The following ZNF804B variants were observed in gnomAD, a reference collection of about 807,000 sequenced individuals.
The protein encoded by ZNF804B is zinc finger 804B.
Under a neutral mutation model 101.4 loss-of-function variants are expected in ZNF804B, and 80 were observed. The ratio of observed to expected loss-of-function variants is 0.79; its 90% CI spans 0.66 to 0.95. ZNF804B has a LOEUF of 0.95. ZNF804B is among the 40% of genes least tolerant of loss of function. The pLI is 0.00. For missense variants in ZNF804B, 1,673 were observed against 1,561.9 expected (o/e 1.07, Z -1.20); for synonymous variants, 622 against 558.8 (o/e 1.11, Z -1.59).
At chr7:88,795,191 A>G (rs780420717) in intron 1 of ZNF804B, 3 of 332,274 alleles carry the variant, frequency 9.0e-6, no homozygotes, top group Non-Finnish European at 1.6e-5. Context: ...GACTTTTTTA[A>G]AAGTTTACAA....
chr7:88,902,137 C>T (rs1263388194), intron 1 of ZNF804B, among the ~76,000 whole-genome samples: 1 of 151,936 alleles, frequency 6.6e-6, no homozygotes, highest in East Asian at 1.9e-4. Context: ...GGGGGACTCA[C>T]AAAGACTTTC....
intron 1 of ZNF804B, among the ~76,000 whole-genome samples, chr7:88,887,529 G>T (rs909743440): frequency 6.6e-6 from 1 of 152,110 alleles, no homozygotes; most frequent in African/African-American, 2.4e-5. Context: ...TGAACAGGGA[G>T]TCTTTTCCCT....
At chr7:88,948,549 C>A (rs1284601185) in intron 1 of ZNF804B, among the ~76,000 whole-genome samples, 1 of 151,862 alleles carries the variant, frequency 6.6e-6, no homozygotes, top group Non-Finnish European at 1.5e-5. Flanking sequence ...AGCCTCCAAA[C>A]AGAGATCCTC....
chr7:88,909,976 T>C (rs1443075079), intron 1 of ZNF804B, among the ~76,000 whole-genome samples: 4 of 151,868 alleles, frequency 2.6e-5, no homozygotes, highest in African/African-American at 9.7e-5. Flanking sequence ...GTTGTGAATA[T>C]AGACAATGGT....
Position 89,024,727 on chromosome 7 carries a change from C to T in ZNF804B, c.109-193428C>T, listed in dbSNP as rs1451277131. The stretch of plus-strand genomic sequence containing the variant: ...CCAGTCCTTTAGGTTGTCTAGAAGT[C>T]CTGGCTGATACCACATTCCATGGAC... On this transcript the variant is annotated intron_variant, in intron 1 of 3. Coordinates refer to ENST00000333190, the MANE Select transcript of ZNF804B (RefSeq NM_181646.5). 2.0e-5 allele frequency among the ~76,000 whole-genome samples: 3 copies of T among 148,578 alleles called. No individual in the cohort carries two copies. In the South Asian group the frequency reaches 6.4e-4, roughly 32 times the overall value.
intron 1 of ZNF804B, among the ~76,000 whole-genome samples, chr7:88,798,076 AT>A (rs1367230918): frequency 2.0e-5 from 3 of 151,954 alleles, no homozygotes; most frequent in African/African-American, 7.2e-5. Flanking sequence ...TAAGAGTTCT[AT>A]TTCCATGGGT....
intron 1 of ZNF804B, among the ~76,000 whole-genome samples, chr7:88,953,930 T>C (rs1793262540): frequency 6.6e-6 from 1 of 151,766 alleles, no homozygotes; most frequent in African/African-American, 2.4e-5. Flanking sequence ...TTCCAGTTGT[T>C]CTGTATTATG....
At chr7:88,943,280 T>C (rs1793080516) in intron 1 of ZNF804B, among the ~76,000 whole-genome samples, 1 of 151,872 alleles carries the variant, frequency 6.6e-6, no homozygotes, top group Non-Finnish European at 1.5e-5. Flanking sequence ...GCAGCAGCCC[T>C]TTCACCCATC....
chr7:89,243,123 G>T (rs1176227426), intron 2 of ZNF804B, among the ~76,000 whole-genome samples: 1 of 151,368 alleles, frequency 6.6e-6, no homozygotes, highest in Non-Finnish European at 1.5e-5. Context: ...ATAATCACTT[G>T]GTCTTCTATA....
At chr7:89,126,303 T>C (rs1049121539) in intron 1 of ZNF804B, among the ~76,000 whole-genome samples, 14 of 151,948 alleles carry the variant, frequency 9.2e-5, no homozygotes, top group African/African-American at 3.4e-4. Context: ...TTCTCAAATC[T>C]CTCTTTAGGA....
At chr7:89,081,359 C>T (rs1321296280) in intron 1 of ZNF804B, among the ~76,000 whole-genome samples, 1 of 151,746 alleles carries the variant, frequency 6.6e-6, no homozygotes, top group African/African-American at 2.4e-5. Context: ...TACTACCCTG[C>T]CCCCCAACCA....
Position 89,156,066 on chromosome 7 carries a change from T to TTCTC in ZNF804B, c.109-62086_109-62085insCTCT, listed in dbSNP as rs1471038048. On this transcript the variant is annotated intron_variant, in intron 1 of 3. Transcript: ENST00000333190. Reference sequence around the variant, plus strand: ...TTTCTTTCTTTCTTTCTTTCTTTCTTTCTTTCTCTCTTTCTCTCTTTCCTT... The same window carrying TTCTC: ...TTTCTTTCTTTCTTTCTTTCTTTCTTTCTCTCTTTCTCTCTTTCTCTCTTTCCTT... Among the ~76,000 whole-genome samples the TTCTC allele has an allele frequency of 5.3e-3, 351 of 66,486 alleles. 3 individuals carry two copies. The highest frequency in any genetic ancestry group is 0.016 in the African/African-American group (326 of 20,552). 43.6% of individuals were successfully genotyped at this position (66,486 alleles called of 152,430 possible). A position where few individuals can be genotyped will look rare whatever the true frequency, so the allele number is the denominator to read the frequency against.
intron 2 of ZNF804B, among the ~76,000 whole-genome samples, chr7:89,255,313 G>A (rs1789610904): frequency 6.6e-6 from 1 of 152,148 alleles, no homozygotes; most frequent in African/African-American, 2.4e-5. Flanking sequence ...CTTGACACAT[G>A]GGGATTATGG....
At chr7:89,103,349 A>T (rs1015577410) in intron 1 of ZNF804B, among the ~76,000 whole-genome samples, 1 of 151,708 alleles carries the variant, frequency 6.6e-6, no homozygotes, top group African/African-American at 2.4e-5. Flanking sequence ...TGATTCTTCC[A>T]ATCAATGAAC....
intron 1 of ZNF804B, among the ~76,000 whole-genome samples, chr7:88,825,240 A>T (rs1791036569): frequency 6.6e-6 from 1 of 152,146 alleles, no homozygotes. Context: ...TTATCAGCAA[A>T]GCTAGAGGTC....
intron 1 of ZNF804B, among the ~76,000 whole-genome samples, chr7:89,008,423 C>T (rs1332622963): frequency 1.3e-5 from 2 of 152,176 alleles, no homozygotes; most frequent in Non-Finnish European, 1.5e-5. Flanking sequence ...ACAGATACTA[C>T]ATCTGCCCAT....
intron 2 of ZNF804B, among the ~76,000 whole-genome samples, chr7:89,272,104 A>C (rs552343473): frequency 6.6e-6 from 1 of 152,026 alleles, no homozygotes; most frequent in Non-Finnish European, 1.5e-5. Flanking sequence ...CCATATTTCA[A>C]CCACACTGAG....
chr7:89,321,153 A>G, intron 2 of ZNF804B, among the ~76,000 whole-genome samples: 1 of 150,468 alleles, frequency 6.6e-6, no homozygotes, highest in East Asian at 1.9e-4. Context: ...TTTTAAATGG[A>G]TCATATTATA....
intron 2 of ZNF804B, among the ~76,000 whole-genome samples, chr7:89,308,089 T>A (rs1207863732): frequency 1.3e-5 from 2 of 152,156 alleles, no homozygotes; most frequent in African/African-American, 4.8e-5. Flanking sequence ...AGAAAAAAAG[T>A]GAGTCTTCTG....
Sources: gnomAD v4.1 joint callset for allele counts (sites outside exome capture counted in the v4.1 genomes callset) on GRCh38, gnomAD v4.1.1 for gene constraint, MANE v1.5 for transcripts, NCBI Gene and HGNC (gene_info 2026-07-23, HGNC 2026-07-21) for gene names.